Variants in TENM3 observed in about 807,000 individuals in gnomAD.
TENM3 encodes teneurin transmembrane protein 3.
A neutral mutation model predicts 255.1 loss-of-function variants in TENM3; 63 were observed. The ratio of observed to expected loss-of-function variants is 0.25; its 90% CI spans 0.20 to 0.30. The LOEUF (loss-of-function observed/expected upper bound fraction) is 0.30. TENM3 is among the 10% of genes least tolerant of loss of function. TENM3 has a pLI of 1.00. For synonymous variants in TENM3, 1,306 were observed against 1,322.3 expected (o/e 0.99, Z 0.27); for missense variants, 2,929 against 3,461.1 (o/e 0.85, Z 3.86).
the TENM3 span, among the ~76,000 whole-genome samples, chr4:181,727,550 A>G: frequency 6.6e-6 from 1 of 152,222 alleles, no homozygotes. Flanking sequence ...ATGTAATACT[A>G]TCTCATTCAC....
chr4:181,540,975 A>G, the TENM3 span, among the ~76,000 whole-genome samples: 1 of 152,180 alleles, frequency 6.6e-6, no homozygotes, highest in South Asian at 2.1e-4. Flanking sequence ...TGGGAACTAC[A>G]TGTGCAATAA....
At chr4:182,027,153 G>C in the TENM3 span, among the ~76,000 whole-genome samples, 1,349 of 152,086 alleles carry the variant, frequency 8.9e-3, 6 homozygotes, top group Non-Finnish European at 0.013. Flanking sequence ...TTTCATTATA[G>C]AGATCTTCTT....
At chr4:181,682,944 T>C in the TENM3 span, among the ~76,000 whole-genome samples, 1 of 151,966 alleles carries the variant, frequency 6.6e-6, no homozygotes, top group Non-Finnish European at 1.5e-5. Flanking sequence ...CTAGGCATGG[T>C]AGCTCACACC....
chr4:181,598,303 A>C, the TENM3 span, among the ~76,000 whole-genome samples: 1 of 152,308 alleles, frequency 6.6e-6, no homozygotes, highest in Admixed American at 6.5e-5. Context: ...AGTTTCAGTT[A>C]AGGCTCTAGG....
the TENM3 span, among the ~76,000 whole-genome samples, chr4:181,503,509 A>T: frequency 6.6e-6 from 1 of 152,222 alleles, no homozygotes; most frequent in African/African-American, 2.4e-5. Flanking sequence ...GTGATCTGCA[A>T]AGATTAAAGG....
chr4:182,075,831 C>T, the TENM3 span, among the ~76,000 whole-genome samples: 1 of 152,156 alleles, frequency 6.6e-6, no homozygotes, highest in African/African-American at 2.4e-5. Flanking sequence ...GAACCTGTGG[C>T]CCAGACTGGA....
At chr4:181,613,238 C>T in the TENM3 span, among the ~76,000 whole-genome samples, 1 of 152,206 alleles carries the variant, frequency 6.6e-6, no homozygotes, top group East Asian at 1.9e-4. Context: ...ACATCTCCTT[C>T]TCCTTGTTCC....
At chr4:181,920,233 C>T in the TENM3 span, among the ~76,000 whole-genome samples, 3 of 152,010 alleles carry the variant, frequency 2.0e-5, no homozygotes, top group Non-Finnish European at 4.4e-5. Flanking sequence ...ATTTATAGTC[C>T]TTTGGGTATA....
chr4:182,423,438 C>T (rs1329391719), intron 3 of TENM3, among the ~76,000 whole-genome samples: 2 of 152,090 alleles, frequency 1.3e-5, no homozygotes, highest in African/African-American at 4.8e-5. Flanking sequence ...ATTATTCTTT[C>T]CGGCTCTTTG....
intron 4 of TENM3, among the ~76,000 whole-genome samples, chr4:182,608,902 C>T (rs1036739518): frequency 6.6e-6 from 1 of 152,176 alleles, no homozygotes; most frequent in Non-Finnish European, 1.5e-5. Context: ...GGCTCAGGGG[C>T]GGCTTCCCTA....
chr4:182,668,625 A>G (rs151326129), intron 6 of TENM3, among the ~76,000 whole-genome samples: 1 of 152,358 alleles, frequency 6.6e-6, no homozygotes, highest in African/African-American at 2.4e-5. Flanking sequence ...ACCACTGGTT[A>G]AATTACCTAT....
chr4:181,930,515 G>A, the TENM3 span, among the ~76,000 whole-genome samples: 1 of 152,104 alleles, frequency 6.6e-6, no homozygotes, highest in Non-Finnish European at 1.5e-5. Flanking sequence ...TGAAATTGAG[G>A]CAGTAATTAG....
rs532676473 is a variant in TENM3 at position 182,738,479 on chromosome 4, A to T, written c.3314A>T (p.Glu1105Val). 7 of 1,613,508 alleles carry T rather than the reference A, an allele frequency of 4.3e-6. No individual in the cohort carries two copies. The African/African-American group carries it at 8.0e-5, about 18-fold the overall frequency. ...EKRTAILQGY[E>V]LDASNMGGWT... Reference sequence around the variant, plus strand: ...AGGACTGCCATTCTGCAGGGCTATGAATTGGATGCGTCCAACATGGGTGGC... The same window carrying T: ...AGGACTGCCATTCTGCAGGGCTATGTATTGGATGCGTCCAACATGGGTGGC... The change falls in exon 18 of 28, where the codon GAA (glutamate) becomes GTA (valine). Residue 1105 changes from glutamate to valine, a missense_variant. This residue lies in a region of TENM3 where 1,608 missense variants were observed against 1,884.4 expected (regional missense o/e 0.85). Transcript: ENST00000511685.
At position 182,792,301 on chromosome 4, in the gene TENM3, C is replaced by A; in HGVS notation, c.5629C>A (p.Arg1877=). ...KSMVLLLHSQ[R]QYIFEYDMWD... ...CATGGTTCTTCTGCTTCATAGCCAG[C>A]GGCAGTACATCTTCGAATACGATAT... The change falls in exon 26 of 28, where the codon CGG becomes AGG. Residue 1877 remains arginine (R), a synonymous_variant. Coordinates refer to ENST00000511685, the MANE Select transcript of TENM3 (RefSeq NM_001080477.4). The surrounding 1 kb of genome is among the most constrained non-coding windows in gnomAD (Gnocchi z 6.3). The A allele has an allele frequency of 1.2e-6, 2 of 1,613,774 alleles. No homozygotes were observed. The highest frequency in any genetic ancestry group is 1.3e-5 in the African/African-American group (1 of 75,052).
chr4:181,542,513 C>T, the TENM3 span, among the ~76,000 whole-genome samples: 1 of 152,088 alleles, frequency 6.6e-6, no homozygotes, highest in Non-Finnish European at 1.5e-5. Context: ...ATTGCAGTTG[C>T]TCTGAAAAGA....
At chr4:181,580,913 G>A in the TENM3 span, among the ~76,000 whole-genome samples, 3 of 152,308 alleles carry the variant, frequency 2.0e-5, no homozygotes, top group South Asian at 6.2e-4. Flanking sequence ...TCAGGGGACA[G>A]AAAATGTATG....
chr4:181,944,493 T>C, the TENM3 span, among the ~76,000 whole-genome samples: 1 of 152,142 alleles, frequency 6.6e-6, no homozygotes, highest in South Asian at 2.1e-4. Context: ...AGAAACACCC[T>C]CACAGACATG....
At chr4:182,400,058 TTC>T (rs1580417412) in intron 3 of TENM3, among the ~76,000 whole-genome samples, 1 of 152,202 alleles carries the variant, frequency 6.6e-6, no homozygotes, top group East Asian at 1.9e-4. Flanking sequence ...TTCTTTTATT[TTC>T]TGTCTCCATT....
At chr4:181,760,191 C>A in the TENM3 span, among the ~76,000 whole-genome samples, 2 of 151,678 alleles carry the variant, frequency 1.3e-5, no homozygotes, top group Non-Finnish European at 2.9e-5. Flanking sequence ...AGATTTCCCC[C>A]TCTTCCTCCA....
Sources: allele counts gnomAD v4.1 joint callset (sites outside exome capture counted in the v4.1 genomes callset), GRCh38; gene constraint gnomAD v4.1.1; regional missense constraint gnomAD v4.1.1; non-coding constraint Gnocchi (gnomAD v3.1); transcripts MANE v1.5; gene names NCBI Gene and HGNC (gene_info 2026-07-23, HGNC 2026-07-21).